ANKRD44: variants seen among roughly 807,000 people sequenced by gnomAD.
ANKRD44 encodes the protein ankyrin repeat domain 44, also known as serine/threonine-protein phosphatase 6 regulatory ankyrin repeat subunit B.
Under a neutral mutation model 116.0 loss-of-function variants are expected in ANKRD44, and 35 were observed. The observed-to-expected ratio is 0.30, with a 90% confidence interval of 0.23 to 0.40. The LOEUF (loss-of-function observed/expected upper bound fraction) is 0.40. ANKRD44 is among the 10% of genes least tolerant of loss of function. ANKRD44 has a pLI of 1.00. For missense variants in ANKRD44, 1,014 were observed against 1,242.6 expected (o/e 0.82, Z 2.77); for synonymous variants, 435 against 461.8 (o/e 0.94, Z 0.74).
At chr2:196,984,803 TATG>T (rs2075825396), downstream of ANKRD44, among the ~76,000 whole-genome samples, 1 of 152,196 alleles carries the variant, frequency 6.6e-6, no homozygotes, top group Admixed American at 6.5e-5. Flanking sequence ...GGTGTATTAG[TATG>T]ATGTTACAGC....
Position 197,204,779 on chromosome 2 carries a change from G to A in ANKRD44, c.28-17673C>T, listed in dbSNP as rs565928444. Among the ~76,000 whole-genome samples the A allele has an allele frequency of 9.8e-5, 15 of 152,322 alleles. No homozygotes were observed. The South Asian group carries it at 3.1e-3, about 32-fold the overall frequency. On this transcript the variant is annotated intron_variant, in intron 1 of 27. Coordinates refer to ENST00000282272, the MANE Select transcript of ANKRD44 (RefSeq NM_001195144.2). ...AGTTTATAAGAACAGGAATGTTTAGGCTGGAAAAGAAAAACCTTTGAAGGG... is the reference window on the plus strand; with the variant it reads ...AGTTTATAAGAACAGGAATGTTTAGACTGGAAAAGAAAAACCTTTGAAGGG...
intron 1 of ANKRD44, among the ~76,000 whole-genome samples, chr2:197,228,802 G>A (rs1287880371): frequency 6.6e-6 from 1 of 152,218 alleles, no homozygotes; most frequent in Admixed American, 6.5e-5. Context: ...TTGGGAGGCC[G>A]AGGCAAGTGG....
chr2:197,207,656 T>C (rs1423778574), intron 1 of ANKRD44, among the ~76,000 whole-genome samples: 3 of 152,200 alleles, frequency 2.0e-5, no homozygotes, highest in Admixed American at 1.3e-4. Flanking sequence ...TGGTGCTCTT[T>C]CATGAGATTA....
intron 1 of ANKRD44, among the ~76,000 whole-genome samples, chr2:197,310,015 G>A (rs555328745): frequency 1.3e-5 from 2 of 152,302 alleles, no homozygotes; most frequent in South Asian, 4.1e-4. Context: ...CGAAAGGGCG[G>A]TCTCCAGGGG....
At chr2:197,242,740 C>T (rs1559178785) in intron 1 of ANKRD44, among the ~76,000 whole-genome samples, 1 of 152,312 alleles carries the variant, frequency 6.6e-6, no homozygotes, top group Admixed American at 6.5e-5. Context: ...GGACTTGACT[C>T]ACCTATCAAG....
At chr2:197,103,902 C>T (rs1393364900) in intron 9 of ANKRD44, among the ~76,000 whole-genome samples, 1 of 152,068 alleles carries the variant, frequency 6.6e-6, no homozygotes, top group Admixed American at 6.6e-5. Context: ...TTTAGTCCTA[C>T]GTTCTCCTTT....
At position 197,201,142 on chromosome 2, in the gene ANKRD44, T is replaced by C. The variant is rs146918242; in HGVS notation, c.28-14036A>G. On this transcript the variant is annotated intron_variant, in intron 1 of 27. Coordinates refer to ENST00000282272, the MANE Select transcript of ANKRD44 (RefSeq NM_001195144.2). The surrounding 1 kb of genome is among the most constrained non-coding windows in gnomAD (Gnocchi z 4.0). ...AGAGGTGGTGCCACAGAGAAGTCTA[T>C]GATTCTCTCTTTTTCATTACCCATC... is the stretch of plus-strand genomic sequence containing the variant. Among the ~76,000 whole-genome samples the C allele has an allele frequency of 6.2e-3, 950 of 152,334 alleles. 7 individuals are homozygous for C. Among genetic ancestry groups the C allele is most frequent in the Non-Finnish European group, 8.8e-3 (601 of 68,024 alleles).
rs942800221 is a variant in ANKRD44 at position 197,201,488 on chromosome 2, A to G, written c.28-14382T>C. On this transcript the variant is annotated intron_variant, in intron 1 of 27. Coordinates refer to ENST00000282272, the MANE Select transcript of ANKRD44 (RefSeq NM_001195144.2). The surrounding 1 kb of genome is among the most constrained non-coding windows in gnomAD (Gnocchi z 4.0). Reference sequence around the variant, plus strand: ...TTTGGCCTCCTCTGGCCCAACTGACATAACTGAGGTTGGTTCCTTTCCTGG... The same window carrying G: ...TTTGGCCTCCTCTGGCCCAACTGACGTAACTGAGGTTGGTTCCTTTCCTGG... Among the ~76,000 whole-genome samples, 4 of 152,172 alleles carry G rather than the reference A, an allele frequency of 2.6e-5. No individual in the cohort carries two copies. Among genetic ancestry groups the G allele is most frequent in the Non-Finnish European group, 5.9e-5 (4 of 68,032 alleles).
At chr2:197,085,063 C>G (rs575388443) in intron 13 of ANKRD44, among the ~76,000 whole-genome samples, 2 of 152,182 alleles carry the variant, frequency 1.3e-5, no homozygotes, top group South Asian at 4.2e-4. Flanking sequence ...TTTTAGCTCT[C>G]GATTGTTCAG....
chr2:197,029,901 T>A, intron 16 of ANKRD44: 1 of 208,080 alleles, frequency 4.8e-6, no homozygotes. Context: ...TTGGTAAGGC[T>A]GAGGCAGCTG....
At chr2:197,116,638 T>A (rs1476571034) in intron 8 of ANKRD44, among the ~76,000 whole-genome samples, 1 of 152,212 alleles carries the variant, frequency 6.6e-6, no homozygotes, top group Non-Finnish European at 1.5e-5. Flanking sequence ...TTTCTCCTCC[T>A]CCTGTTCCTA....
At chr2:197,213,386 A>G (rs74516042) in intron 1 of ANKRD44, among the ~76,000 whole-genome samples, 2,972 of 152,358 alleles carry the variant, frequency 0.02, 40 homozygotes, top group Non-Finnish European at 0.033. Flanking sequence ...TGATTACTCC[A>G]GAGAGCCCAC....
At chr2:197,114,028 A>C (rs2078651648) in intron 8 of ANKRD44, among the ~76,000 whole-genome samples, 1 of 152,204 alleles carries the variant, frequency 6.6e-6, no homozygotes, top group Admixed American at 6.5e-5. Context: ...TAGAAAACCA[A>C]TGAAACTCAA....
chr2:197,165,883 C>T (rs2080090786), intron 2 of ANKRD44, among the ~76,000 whole-genome samples: 1 of 152,108 alleles, frequency 6.6e-6, no homozygotes, highest in Non-Finnish European at 1.5e-5. Context: ...CATTTTATGA[C>T]ATGAACAGAA....
intron 10 of ANKRD44, among the ~76,000 whole-genome samples, chr2:197,092,767 G>A (rs1240495669): frequency 2.6e-5 from 4 of 152,252 alleles, no homozygotes; most frequent in South Asian, 2.1e-4. Flanking sequence ...GCTCTTGAAC[G>A]GGCAGAGGGA....
chr2:197,235,717 C>T (rs933361396), intron 1 of ANKRD44, among the ~76,000 whole-genome samples: 1 of 149,356 alleles, frequency 6.7e-6, no homozygotes, highest in Non-Finnish European at 1.5e-5. Context: ...AAATATTATA[C>T]AATACAAATA....
intron 1 of ANKRD44, among the ~76,000 whole-genome samples, chr2:197,239,042 C>T (rs1023052110): frequency 1.3e-5 from 2 of 152,074 alleles, no homozygotes; most frequent in African/African-American, 4.8e-5. Flanking sequence ...ATCTGTCTTG[C>T]TGCTCCATTC....
chr2:197,133,805 C>T (rs539949688), intron 4 of ANKRD44, among the ~76,000 whole-genome samples: 1 of 152,194 alleles, frequency 6.6e-6, no homozygotes, highest in African/African-American at 2.4e-5. Context: ...AGACTAAATT[C>T]CAAAGAAGAA....
At chr2:197,083,144 T>G (rs958207219) in intron 14 of ANKRD44, among the ~76,000 whole-genome samples, 9 of 152,252 alleles carry the variant, frequency 5.9e-5, no homozygotes, top group African/African-American at 1.7e-4. Context: ...ACAGCTCCAC[T>G]TGGGATTCAA....
Sources: gnomAD v4.1 joint callset for allele counts (sites outside exome capture counted in the v4.1 genomes callset) on GRCh38, gnomAD v4.1.1 for gene constraint, Gnocchi (gnomAD v3.1) non-coding constraint, MANE v1.5 for transcripts, NCBI Gene and HGNC (gene_info 2026-07-23, HGNC 2026-07-21) for gene names.